L1TD1: variants seen among roughly 807,000 people sequenced by gnomAD.
L1TD1 encodes LINE-1 type transposase domain-containing protein 1.
L1TD1 carries 26 observed loss-of-function variants against 25.7 expected under a neutral mutation model. That is an observed-to-expected ratio of 1.01 (90% CI 0.74 to 1.40). L1TD1 has a LOEUF of 1.40. Ranked by LOEUF, L1TD1 falls within the 40% of genes most tolerant of loss-of-function variation. L1TD1 has a pLI of 0.00. For synonymous variants in L1TD1, 421 were observed against 335.6 expected, an observed-to-expected ratio of 1.25 and a Z score of -2.78; for missense variants, 1,130 against 975.0, an observed-to-expected ratio of 1.16 and a Z score of -2.12.
In L1TD1 at chr1:62,210,553, A is replaced by G. The variant is rs541806917; in HGVS notation, c.1779A>G (p.Lys593=). The change falls in exon 4 of 4, where the codon AAA becomes AAG. Residue 593 remains lysine, a synonymous_variant. Coordinates refer to ENST00000498273, the MANE Select transcript of L1TD1 (RefSeq NM_019079.5). The part of the protein sequence containing the change: ...VTKLKKTEEK[K]HRTLHTEELT... ...AACTTAAGAAAACAGAAGAAAAGAA[A>G]CACAGAACTCTGCACACAGAAGAAC... The G allele has an allele frequency of 3.1e-6, 5 of 1,612,856 alleles. No homozygotes were observed. In the Admixed American group the frequency reaches 8.4e-5, roughly 27 times the overall value.
Position 62,211,020 on chromosome 1 carries a change from A to G in L1TD1, c.2246A>G (p.Lys749Arg). ...GTCAGTGCTTGTCGAGTACCTAGTAAAATTGATGAAAAGAGACTGACTCCT... is the reference window on the plus strand; with the variant it reads ...GTCAGTGCTTGTCGAGTACCTAGTAGAATTGATGAAAAGAGACTGACTCCT... ...EIVSACRVPS[K>R]IDEKRLTPRH... Residue 749 changes from lysine to arginine, a missense_variant, in exon 4 of 4, where the codon AAA becomes AGA. Lys to Arg is a conservative substitution (Grantham distance 26, BLOSUM62 2). Transcript: ENST00000498273. 6.5e-7 allele frequency: 1 copy of G among 1,546,792 alleles called. No homozygotes were observed. The highest frequency in any genetic ancestry group is 8.7e-7 in the Non-Finnish European group (1 of 1,145,908).
At position 62,212,272 on chromosome 1, in the gene L1TD1, A is replaced by G. The variant is rs1002785192; in HGVS notation, c.*900A>G. ...AAAAGAGGAAGAAATGATATTTCAC[A>G]AGTTTGTATCATTTGTCATGATGTG... is the stretch of plus-strand genomic sequence containing the variant. On this transcript the variant is annotated 3_prime_UTR_variant, in exon 4 of 4. Coordinates refer to ENST00000498273, the MANE Select transcript of L1TD1 (RefSeq NM_019079.5). The G allele has an allele frequency of 6.6e-6, 1 of 151,818 alleles. No homozygotes were observed. Among genetic ancestry groups the G allele is most frequent in the Non-Finnish European group, 1.5e-5 (1 of 67,992 alleles). The allele number at this position is 151,818 out of a possible 1,614,324, so 9.4% of individuals were successfully genotyped here.
chr1:62,204,596 G>T (rs75032727), intron 2 of L1TD1, among the ~76,000 whole-genome samples: 4 of 151,934 alleles, frequency 2.6e-5, no homozygotes, highest in African/African-American at 9.7e-5. Flanking sequence ...TAGAAACAGC[G>T]TCTCACTATG....
At chr1:62,199,291 A>T (rs1670598440) in intron 2 of L1TD1, among the ~76,000 whole-genome samples, 1 of 152,108 alleles carries the variant, frequency 6.6e-6, no homozygotes, top group East Asian at 1.9e-4. Context: ...TGAGGTCAGG[A>T]GTTTGAAACC....
intron 2 of L1TD1, among the ~76,000 whole-genome samples, chr1:62,199,904 GT>G (rs1194289702): frequency 6.6e-6 from 1 of 152,100 alleles, no homozygotes; most frequent in Admixed American, 6.6e-5. Context: ...ACTGGAATGT[GT>G]TTTGATTTGC....
At chr1:62,195,926 A>G (rs1273236453) in intron 1 of L1TD1, among the ~76,000 whole-genome samples, 1 of 151,810 alleles carries the variant, frequency 6.6e-6, no homozygotes, top group African/African-American at 2.4e-5. Flanking sequence ...AGTCCCAGCT[A>G]CTAGGGAGGC....
rs970817228 is a variant in L1TD1 at position 62,211,096 on chromosome 1, A to C, written c.2322A>C (p.Ile774=). ...FWNSSDKEKI[I]RASRERREIT... Reference sequence around the variant, plus strand: ...ATTCTAGTGATAAAGAGAAAATAATAAGGGCTTCTAGAGAGAGAAGAGAAA... The same window carrying C: ...ATTCTAGTGATAAAGAGAAAATAATCAGGGCTTCTAGAGAGAGAAGAGAAA... The change falls in exon 4 of 4, where the codon ATA becomes ATC. Residue 774 remains isoleucine, a synonymous_variant. Transcript: ENST00000498273. 3 of 1,550,712 alleles carry C rather than the reference A, an allele frequency of 1.9e-6. No individual in the cohort carries two copies. Among genetic ancestry groups the C allele is most frequent in the Non-Finnish European group, 2.6e-6 (3 of 1,146,820 alleles).
rs1557446886 is a variant in L1TD1 at position 62,209,895 on chromosome 1, T to TA, written c.1122dup (p.Glu375ArgfsTer15). The TA allele has an allele frequency of 1.5e-5, 25 of 1,613,960 alleles. No individual in the cohort carries two copies. Among genetic ancestry groups the TA allele is most frequent in the Non-Finnish European group, 1.9e-5 (23 of 1,179,990 alleles). On this transcript the variant is annotated frameshift_variant, in exon 4 of 4. Transcript: ENST00000498273. LOFTEE classifies it low-confidence loss of function (END_TRUNC). ...GCTAAGCCAGAGGAGATGAAAAACTTAGAGACTCAAGAGGAAGAGTTTTCC... is the reference window on the plus strand; with the variant it reads ...GCTAAGCCAGAGGAGATGAAAAACTTAAGAGACTCAAGAGGAAGAGTTTTCC...
rs771425635 is a variant in L1TD1, at chr1:62,207,683, ATAG to A, written c.1008+51_1008+53del. On this transcript the variant is annotated intron_variant, in intron 3 of 3. Coordinates refer to ENST00000498273, the MANE Select transcript of L1TD1 (RefSeq NM_019079.5). ...TGTATAAAGCTTATGTATAAATGTA[ATAG>A]TAGGCATGGTTATTTTGAAGGATAA... is the stretch of plus-strand genomic sequence containing the variant. The A allele has an allele frequency of 6.5e-5, 94 of 1,445,146 alleles. No individual in the cohort carries two copies. The African/African-American group carries it at 1.3e-3, about 20-fold the overall frequency. 89.5% of individuals were successfully genotyped at this position (1,445,146 alleles called of 1,614,324 possible). A position where few individuals can be genotyped will look rare whatever the true frequency, so the allele number is the denominator to read the frequency against.
At chr1:62,209,503 A>G (rs1670815220) in intron 3 of L1TD1, among the ~76,000 whole-genome samples, 1 of 152,158 alleles carries the variant, frequency 6.6e-6, no homozygotes, top group African/African-American at 2.4e-5. Flanking sequence ...ACACAGCAGT[A>G]AGTGTTCAGG....
In L1TD1 at chr1:62,211,118, G is replaced by C; in HGVS notation, c.2344G>C (p.Glu782Gln). ...KIIRASRERR[E>Q]ITYQGTRIRL... ...AATAAGGGCTTCTAGAGAGAGAAGA[G>C]AAATTACCTACCAAGGAACAAGAAT... The change falls in exon 4 of 4, where the codon GAA becomes CAA. Residue 782 changes from glutamate (E) to glutamine (Q), a missense_variant. Transcript: ENST00000498273. 1 of 1,548,826 alleles carries C rather than the reference G, an allele frequency of 6.5e-7. No homozygotes were observed. The highest frequency in any genetic ancestry group is 1.4e-5 in the African/African-American group (1 of 72,854).
chr1:62,195,211 GC>G (rs1181511532), intron 1 of L1TD1, among the ~76,000 whole-genome samples: 13 of 152,074 alleles, frequency 8.5e-5, no homozygotes, highest in Non-Finnish European at 1.6e-4. Context: ...GGTAAGGCTG[GC>G]CCAGGTACGT....
chr1:62,197,386 A>G (rs1361397355), intron 2 of L1TD1, among the ~76,000 whole-genome samples: 1 of 122,906 alleles, frequency 8.1e-6, no homozygotes, highest in African/African-American at 3.2e-5. Flanking sequence ...CGCCCTCTCA[A>G]AAAAAATAAA....
At chr1:62,205,646 G>T (rs193260612) in intron 2 of L1TD1, among the ~76,000 whole-genome samples, 1 of 151,316 alleles carries the variant, frequency 6.6e-6, no homozygotes, top group Non-Finnish European at 1.5e-5. Context: ...GGCCAGGCTG[G>T]TCTTGAACTC....
rs576977898 is a variant in L1TD1 at position 62,211,141 on chromosome 1, A to G, written c.2367A>G (p.Arg789=). The change falls in exon 4 of 4, where the codon AGA becomes AGG. Residue 789 remains arginine, a synonymous_variant. Transcript: ENST00000498273. The part of the protein sequence containing the change: ...ERREITYQGT[R]IRLTADLSLD... ...GAGAAATTACCTACCAAGGAACAAGAATCAGGTTGACAGCAGACTTATCAC... is the reference window on the plus strand; with the variant it reads ...GAGAAATTACCTACCAAGGAACAAGGATCAGGTTGACAGCAGACTTATCAC... 6.7e-4 allele frequency: 1,031 copies of G among 1,549,794 alleles called. 13 individuals are homozygous for G. In the South Asian group the frequency reaches 0.011, roughly 17 times the overall value.
intron 2 of L1TD1, among the ~76,000 whole-genome samples, chr1:62,197,060 T>G (rs1335747535): frequency 6.6e-6 from 1 of 152,002 alleles, no homozygotes; most frequent in Non-Finnish European, 1.5e-5. Flanking sequence ...ACATAACAGT[T>G]GTTGCAGGTT....
In L1TD1 at chr1:62,206,657, C is replaced by G; in HGVS notation, c.29C>G (p.Ser10Ter). ...TCTGATGTATCTACTAGTGTACAATCAAAATTTGCTAGACTTGCAAAGAAA... is the reference window on the plus strand; with the variant it reads ...TCTGATGTATCTACTAGTGTACAATGAAAATTTGCTAGACTTGCAAAGAAA... MSDVSTSVQ[S>*]KFARLAKKKE... is the part of the protein sequence containing the mutation. The change falls in exon 3 of 4, where the codon TCA becomes TGA. Residue 10 changes from serine (S) to a stop codon, truncating the protein, a stop_gained. Transcript: ENST00000498273. LOFTEE classifies it high-confidence loss of function. 6.5e-7 allele frequency: 1 copy of G among 1,545,614 alleles called. No homozygotes were observed. Among genetic ancestry groups the G allele is most frequent in the East Asian group, 2.5e-5 (1 of 40,770 alleles).
chr1:62,210,189 C>T lies in L1TD1; in HGVS notation c.1415C>T (p.Ser472Phe). The part of the protein sequence containing the change: ...SDGMETTFID[S>F]VEDSESEEEE... ...GGCATGGAAACTACTTTCATTGACT[C>T]TGTAGAGGATTCTGAATCAGAGGAG... The change falls in exon 4 of 4, where the codon TCT becomes TTT. Residue 472 changes from serine (S) to phenylalanine (F), a missense_variant. Coordinates refer to ENST00000498273, the MANE Select transcript of L1TD1 (RefSeq NM_019079.5). 6.2e-7 allele frequency: 1 copy of T among 1,613,972 alleles called. No homozygotes were observed. The highest frequency in any genetic ancestry group is 8.5e-7 in the Non-Finnish European group (1 of 1,180,000).
At position 62,211,617 on chromosome 1, in the gene L1TD1, T is replaced by G. The variant is rs1333019245; in HGVS notation, c.*245T>G. Reference sequence around the variant, plus strand: ...CACAGTCAGTTACAGATAGAATTCCTTGTTTTACTTCCCCCCCACCACCTC... The same window carrying G: ...CACAGTCAGTTACAGATAGAATTCCGTGTTTTACTTCCCCCCCACCACCTC... On this transcript the variant is annotated 3_prime_UTR_variant, in exon 4 of 4. Coordinates refer to ENST00000498273, the MANE Select transcript of L1TD1 (RefSeq NM_019079.5). 2 of 416,438 alleles carry G rather than the reference T, an allele frequency of 4.8e-6. No individual in the cohort carries two copies. Among genetic ancestry groups the G allele is most frequent in the African/African-American group, 2.0e-5 (1 of 48,810 alleles). The allele number at this position is 416,438 out of a possible 1,614,324, so 25.8% of individuals were successfully genotyped here.
Sources: allele counts gnomAD v4.1 joint callset (sites outside exome capture counted in the v4.1 genomes callset), GRCh38; gene constraint gnomAD v4.1.1; transcripts MANE v1.5; gene names NCBI Gene and HGNC (gene_info 2026-07-23, HGNC 2026-07-21).